Variants in STAT3 observed in about 807,000 individuals in gnomAD.
STAT3 encodes the protein DNA-binding protein APRF.
STAT3 carries 7 observed loss-of-function variants against 114.3 expected under a neutral mutation model. That is an observed-to-expected ratio of 0.06 (90% CI 0.03 to 0.11). The LOEUF is 0.11. Ranked by LOEUF, STAT3 falls within the 10% of genes least tolerant of loss-of-function variation. STAT3 has a pLI of 1.00. For missense variants in STAT3, 364 were observed against 960.9 expected (o/e 0.38, Z 8.21); for synonymous variants, 331 against 354.5 (o/e 0.93, Z 0.74).
intron 1 of STAT3, among the ~76,000 whole-genome samples, chr17:42,376,845 C>CA (rs59915321): frequency 6.7e-5 from 10 of 148,604 alleles, no homozygotes; most frequent in African/African-American, 2.5e-4. Context: ...GGCTCTGTCT[C>CA]AAAAAAAAAA....
At chr17:42,361,794 G>T (rs947529295) in intron 1 of STAT3, among the ~76,000 whole-genome samples, 1 of 152,058 alleles carries the variant, frequency 6.6e-6, no homozygotes, top group African/African-American at 2.4e-5. Flanking sequence ...TTTCTTCCAA[G>T]GGCAATGGGG....
At chr17:42,318,395 G>C (rs1027571043) in intron 21 of STAT3, among the ~76,000 whole-genome samples, 7 of 152,036 alleles carry the variant, frequency 4.6e-5, no homozygotes, top group African/African-American at 4.8e-5. Context: ...CCAAAGTGCT[G>C]GATTACAAGT....
chr17:42,381,689 G>A (rs953126296), intron 1 of STAT3, among the ~76,000 whole-genome samples: 1 of 146,376 alleles, frequency 6.8e-6, no homozygotes, highest in African/African-American at 2.6e-5. Flanking sequence ...CCAAGATAGC[G>A]CCACTGCACT....
intron 6 of STAT3, among the ~76,000 whole-genome samples, chr17:42,338,420 TGGACC>T (rs1393715978): frequency 0.095 from 66 of 692 alleles, 20 homozygotes; most frequent in Admixed American, 0.43. Flanking sequence ...GGAATACTCC[TGGACC>T]TGAGGGAATA....
At chr17:42,327,954 G>T (rs1055022748) in intron 14 of STAT3, among the ~76,000 whole-genome samples, 1 of 151,736 alleles carries the variant, frequency 6.6e-6, no homozygotes. Flanking sequence ...GCTGAGACAG[G>T]AGAATCGCTT....
At position 42,324,179 on chromosome 17, in the gene STAT3, C is replaced by T. The variant is rs528371263; in HGVS notation, c.1600+532G>A. On this transcript the variant is annotated intron_variant, in intron 17 of 23. Transcript: ENST00000264657. The surrounding 1 kb of genome is among the most constrained non-coding windows in gnomAD (Gnocchi z 4.5). ...ACTAAAAATACAAAAATTAGCTGGG[C>T]GTGGTGGTGAGCACCTGTAGTCTCA... 3.1e-3 allele frequency among the ~76,000 whole-genome samples: 468 copies of T among 152,032 alleles called. 5 individuals carry two copies. Among genetic ancestry groups the T allele is most frequent in the African/African-American group, 0.011 (451 of 41,450 alleles).
At chr17:42,371,328 G>C (rs1375556957) in intron 1 of STAT3, among the ~76,000 whole-genome samples, 1 of 152,020 alleles carries the variant, frequency 6.6e-6, no homozygotes, top group Non-Finnish European at 1.5e-5. Context: ...CGACTGGGTG[G>C]AGGGCCACAC....
chr17:42,343,557 C>T (rs1344014186), intron 4 of STAT3, among the ~76,000 whole-genome samples: 2 of 149,298 alleles, frequency 1.3e-5, no homozygotes, highest in Admixed American at 6.8e-5. Flanking sequence ...CAGGTTCAAG[C>T]GATTCTCCTG....
At chr17:42,335,862 C>CA (rs1033474593) in intron 8 of STAT3, among the ~76,000 whole-genome samples, 1 of 151,366 alleles carries the variant, frequency 6.6e-6, no homozygotes, top group Non-Finnish European at 1.5e-5. Context: ...GACTCTGTCT[C>CA]AAAAAAATTA....
intron 1 of STAT3, among the ~76,000 whole-genome samples, chr17:42,368,069 T>C (rs1035958725): frequency 3.9e-5 from 6 of 152,132 alleles, no homozygotes; most frequent in African/African-American, 1.4e-4. Flanking sequence ...CCAGGAGCAG[T>C]AGTGGACGTC....
At chr17:42,344,871 T>C (rs1346652674) in intron 4 of STAT3, among the ~76,000 whole-genome samples, 1 of 151,900 alleles carries the variant, frequency 6.6e-6, no homozygotes, top group African/African-American at 2.4e-5. Context: ...GGTTTTGATA[T>C]GAGGATTTTT....
chr17:42,328,687 A>G (rs992919453), intron 14 of STAT3, among the ~76,000 whole-genome samples: 3 of 152,198 alleles, frequency 2.0e-5, no homozygotes, highest in African/African-American at 7.2e-5. Flanking sequence ...GGTGTGAGCC[A>G]GCACGCCCAG....
chr17:42,366,037 G>A lies in STAT3; in HGVS notation c.-23-17498C>T, dbSNP rs1032584214. Reference sequence around the variant, plus strand: ...CAGCCCCACTTTCTTTCAAAACAACGTTTATACACTGACAATTCTCAAATT... The same window carrying A: ...CAGCCCCACTTTCTTTCAAAACAACATTTATACACTGACAATTCTCAAATT... On this transcript the variant is annotated intron_variant, in intron 1 of 23. Transcript: ENST00000264657. Among the ~76,000 whole-genome samples, 12 of 152,132 alleles carry A rather than the reference G, an allele frequency of 7.9e-5. No homozygotes were observed. The South Asian group carries it at 8.3e-4, about 11-fold the overall frequency.
At chr17:42,383,336 C>A (rs888886402) in intron 1 of STAT3, among the ~76,000 whole-genome samples, 5 of 151,366 alleles carry the variant, frequency 3.3e-5, no homozygotes, top group African/African-American at 9.7e-5. Flanking sequence ...GGATTACAGG[C>A]ATCAGCCACC....
At chr17:42,369,003 G>A (rs1282776301) in intron 1 of STAT3, among the ~76,000 whole-genome samples, 3 of 151,940 alleles carry the variant, frequency 2.0e-5, no homozygotes, top group African/African-American at 7.3e-5. Context: ...CGTGGTCTTC[G>A]GTTTTCTGTT....
Position 42,324,683 on chromosome 17 carries a change from C to A in STAT3, c.1600+28G>T. The A allele has an allele frequency of 7.2e-7, 1 of 1,389,996 alleles. No homozygotes were observed. Among genetic ancestry groups the A allele is most frequent in the Non-Finnish European group, 9.3e-7 (1 of 1,075,000 alleles). 86.1% of individuals were successfully genotyped at this position (1,389,996 alleles called of 1,614,324 possible). On this transcript the variant is annotated intron_variant, in intron 17 of 23. Coordinates refer to ENST00000264657, the MANE Select transcript of STAT3 (RefSeq NM_139276.3). This position sits in a 1 kb window ranked among gnomAD's most constrained non-coding sequence, Gnocchi z 4.5. Reference sequence around the variant, plus strand: ...CGGATCCCTTTTCTGGGCGGGTGGGCGGGAGGGAGAAGGGGTGAAATGCGG... The same window carrying A: ...CGGATCCCTTTTCTGGGCGGGTGGGAGGGAGGGAGAAGGGGTGAAATGCGG...
chr17:42,351,571 C>T (rs1338265549), intron 1 of STAT3, among the ~76,000 whole-genome samples: 2 of 151,902 alleles, frequency 1.3e-5, no homozygotes, highest in Non-Finnish European at 2.9e-5. Flanking sequence ...TTTTTTGCTA[C>T]GAAGTTTTCT....
At position 42,329,402 on chromosome 17, in the gene STAT3, A is replaced by G; in HGVS notation, c.1281+8T>C. 1 of 1,613,706 alleles carries G rather than the reference A, an allele frequency of 6.2e-7. No individual in the cohort carries two copies. The highest frequency in any genetic ancestry group is 8.5e-7 in the Non-Finnish European group (1 of 1,180,000). On this transcript the variant is annotated splice_region_variant and intron_variant, in intron 14 of 23. Transcript: ENST00000264657. ...CCCCAGTTGTCTTTCATCCCCAACA[A>G]AACTTACATCACAATTGGCTCGGCC...
intron 1 of STAT3, among the ~76,000 whole-genome samples, chr17:42,371,926 T>C (rs2084170110): frequency 6.6e-6 from 1 of 152,074 alleles, no homozygotes; most frequent in Admixed American, 6.6e-5. Context: ...GAGGCTGCAG[T>C]GAGCCGAGAT....
Sources: allele counts gnomAD v4.1 joint callset (sites outside exome capture counted in the v4.1 genomes callset), GRCh38; gene constraint gnomAD v4.1.1; non-coding constraint Gnocchi (gnomAD v3.1); transcripts MANE v1.5; gene names NCBI Gene and HGNC (gene_info 2026-07-23, HGNC 2026-07-21).